The following FRMD5 variants were observed in gnomAD, a reference collection of about 807,000 sequenced individuals.
FRMD5 encodes FERM domain containing 5, also known as FERM domain-containing protein 5.
FRMD5 carries 20 observed loss-of-function variants against 69.0 expected under a neutral mutation model. That is an observed-to-expected ratio of 0.29 (90% CI 0.20 to 0.42). The LOEUF is 0.42. Among genes scored for constraint, FRMD5 ranks in the 10% least tolerant of loss-of-function variants. The pLI is 1.00. For synonymous variants in FRMD5, 271 were observed against 260.1 expected, an observed-to-expected ratio of 1.04 and a Z score of -0.40; for missense variants, 595 against 708.6, an observed-to-expected ratio of 0.84 and a Z score of 1.82.
In FRMD5 at chr15:44,002,726, C is replaced by T. The variant is rs1890266727; in HGVS notation, c.103-78417G>A. 1.3e-5 allele frequency among the ~76,000 whole-genome samples: 2 copies of T among 152,128 alleles called. 1 individual carries two copies. The highest frequency in any genetic ancestry group is 4.1e-4 in the South Asian group (2 of 4,826). ...CTATAGATAACATAACCTATTAGGT[C>T]AGGGGTCGATCTTTAACTACCAGGC... On this transcript the variant is annotated intron_variant, in intron 1 of 13. Coordinates refer to ENST00000417257, the MANE Select transcript of FRMD5 (RefSeq NM_032892.5).
At chr15:43,926,038 C>A (rs1467455087) in intron 1 of FRMD5, among the ~76,000 whole-genome samples, 1 of 152,188 alleles carries the variant, frequency 6.6e-6, no homozygotes, top group African/African-American at 2.4e-5. Flanking sequence ...TCCCCCAGAA[C>A]TTAGCACAGG....
chr15:43,889,564 G>A (rs950282445), intron 8 of FRMD5, among the ~76,000 whole-genome samples: 5 of 152,202 alleles, frequency 3.3e-5, no homozygotes, highest in African/African-American at 9.7e-5. Flanking sequence ...TACATCACCC[G>A]TGGGACAGAC....
chr15:43,945,007 C>G (rs2089922482), intron 1 of FRMD5, among the ~76,000 whole-genome samples: 1 of 147,578 alleles, frequency 6.8e-6, no homozygotes, highest in African/African-American at 2.6e-5. Context: ...CCAGGCTGGT[C>G]TCCTCCTGAG....
intron 8 of FRMD5, among the ~76,000 whole-genome samples, chr15:43,889,396 C>T (rs1355657857): frequency 6.6e-6 from 1 of 152,098 alleles, no homozygotes; most frequent in African/African-American, 2.4e-5. Context: ...TCTCAGGGAG[C>T]GGGGCAGGGC....
At chr15:44,061,690 G>A (rs951476486) in intron 1 of FRMD5, among the ~76,000 whole-genome samples, 4 of 152,116 alleles carry the variant, frequency 2.6e-5, no homozygotes, top group Admixed American at 6.6e-5. Flanking sequence ...ATTATTACTC[G>A]TTGCATTAAA....
intron 1 of FRMD5, among the ~76,000 whole-genome samples, chr15:43,939,254 C>T (rs1307348945): frequency 6.6e-6 from 1 of 152,122 alleles, no homozygotes; most frequent in East Asian, 1.9e-4. Context: ...AATCCCAAAT[C>T]CCCCAGATGG....
intron 1 of FRMD5, among the ~76,000 whole-genome samples, chr15:43,991,036 G>A (rs920109991): frequency 1.3e-5 from 2 of 152,168 alleles, no homozygotes; most frequent in Admixed American, 1.3e-4. Context: ...TTTTCTTTCT[G>A]CAAGTCCTAA....
At chr15:44,055,859 C>G (rs745842418) in intron 1 of FRMD5, among the ~76,000 whole-genome samples, 3 of 152,192 alleles carry the variant, frequency 2.0e-5, no homozygotes, top group Non-Finnish European at 4.4e-5. Flanking sequence ...AAGGCCTCCT[C>G]CAGCACTGAC....
At chr15:43,922,197 C>T (rs1424294224) in intron 2 of FRMD5, among the ~76,000 whole-genome samples, 1 of 152,222 alleles carries the variant, frequency 6.6e-6, no homozygotes, top group Non-Finnish European at 1.5e-5. Context: ...ACCACACTGG[C>T]CCTGGAGTCA....
At chr15:44,139,108 C>G (rs1366701309) in intron 1 of FRMD5, among the ~76,000 whole-genome samples, 1 of 151,838 alleles carries the variant, frequency 6.6e-6, no homozygotes, top group East Asian at 1.9e-4. Context: ...ATGGGTGAAT[C>G]GTATAGTATG....
intron 1 of FRMD5, among the ~76,000 whole-genome samples, chr15:44,077,740 T>C (rs1893829229): frequency 6.6e-6 from 1 of 152,080 alleles, no homozygotes; most frequent in Admixed American, 6.6e-5. Flanking sequence ...CTTCAAATAC[T>C]ACCTATTATT....
chr15:44,048,073 G>T (rs552873688), intron 1 of FRMD5, among the ~76,000 whole-genome samples: 2 of 152,088 alleles, frequency 1.3e-5, no homozygotes, highest in African/African-American at 2.4e-5. Flanking sequence ...TGTCATCTTA[G>T]GAGTGGTATT....
At chr15:43,943,045 C>A (rs2089887735) in intron 1 of FRMD5, among the ~76,000 whole-genome samples, 1 of 152,300 alleles carries the variant, frequency 6.6e-6, no homozygotes, top group Admixed American at 6.5e-5. Context: ...AGTTCAAGAC[C>A]AGCCTGACCA....
At chr15:43,954,806 G>A (rs772631088) in intron 1 of FRMD5, among the ~76,000 whole-genome samples, 3 of 152,158 alleles carry the variant, frequency 2.0e-5, no homozygotes, top group Non-Finnish European at 4.4e-5. Flanking sequence ...TACCTTACAT[G>A]AGATAAGTGA....
intron 1 of FRMD5, among the ~76,000 whole-genome samples, chr15:44,017,443 C>T (rs941483291): frequency 6.6e-6 from 1 of 151,736 alleles, no homozygotes; most frequent in Admixed American, 6.6e-5. Context: ...ACGGTTAAGG[C>T]CTTTCAAATT....
At chr15:43,949,968 G>A (rs1401091118) in intron 1 of FRMD5, among the ~76,000 whole-genome samples, 1 of 152,178 alleles carries the variant, frequency 6.6e-6, no homozygotes, top group Admixed American at 6.5e-5. Flanking sequence ...AAGGGCACAC[G>A]TGTCAGGCAG....
At chr15:44,094,436 C>T (rs959103443) in intron 1 of FRMD5, among the ~76,000 whole-genome samples, 1 of 152,132 alleles carries the variant, frequency 6.6e-6, no homozygotes, top group Admixed American at 6.6e-5. Context: ...AGCTCGAGTT[C>T]TTCTCAGACA....
intron 1 of FRMD5, chr15:44,064,102 A>T (rs1445386066): frequency 9.4e-6 from 2 of 211,940 alleles, no homozygotes; most frequent in Non-Finnish European, 9.4e-6. Context: ...ACTATGGCAC[A>T]ATGGCTGTGG....
intron 1 of FRMD5, among the ~76,000 whole-genome samples, chr15:44,072,368 C>A (rs997640753): frequency 1.3e-5 from 2 of 152,164 alleles, no homozygotes; most frequent in Admixed American, 6.5e-5. Flanking sequence ...AGAACCCACT[C>A]CACACTACCA....
Sources: gnomAD v4.1 joint callset for allele counts (sites outside exome capture counted in the v4.1 genomes callset) on GRCh38, gnomAD v4.1.1 for gene constraint, MANE v1.5 for transcripts, NCBI Gene and HGNC (gene_info 2026-07-23, HGNC 2026-07-21) for gene names.